The following SERGEF variants were observed in gnomAD, a reference collection of about 807,000 sequenced individuals.
SERGEF encodes the protein secretion-regulating guanine nucleotide exchange factor.
A neutral mutation model predicts 50.0 loss-of-function variants in SERGEF; 51 were observed. That is an observed-to-expected ratio of 1.02 (90% CI 0.81 to 1.29). The LOEUF is 1.29. SERGEF is among the 50% of genes most tolerant of loss of function. The pLI is 0.00. For synonymous variants in SERGEF, 205 were observed against 212.4 expected (o/e 0.97, Z 0.30); for missense variants, 521 against 557.0 (o/e 0.94, Z 0.65).
At position 17,943,090 on chromosome 11, in the gene SERGEF, C is replaced by T. The variant is rs569856482; in HGVS notation, c.1011+16380G>A. Among the ~76,000 whole-genome samples, 11 of 110,784 alleles carry T rather than the reference C, an allele frequency of 9.9e-5. No individual in the cohort carries two copies. The East Asian group carries it at 2.8e-3, about 29-fold the overall frequency. The allele number at this position is 110,784 out of a possible 152,430, so 72.7% of individuals were successfully genotyped here. A position where few individuals can be genotyped will look rare whatever the true frequency, so the allele number is the denominator to read the frequency against. On this transcript the variant is annotated intron_variant, in intron 9 of 10. Coordinates refer to ENST00000265965, the MANE Select transcript of SERGEF (RefSeq NM_012139.4). ...TAATGTCTTTGGTATCAGAATTATGCTGACTTCATAAATTTGGAAGTGTCC... is the reference window on the plus strand; with the variant it reads ...TAATGTCTTTGGTATCAGAATTATGTTGACTTCATAAATTTGGAAGTGTCC...
chr11:17,815,202 C>T (rs1565174756), intron 10 of SERGEF, among the ~76,000 whole-genome samples: 1 of 151,014 alleles, frequency 6.6e-6, no homozygotes, highest in Admixed American at 6.6e-5. Flanking sequence ...AAACAAAAAA[C>T]AAAAATTACA....
intron 8 of SERGEF, among the ~76,000 whole-genome samples, chr11:17,976,646 G>A (rs1253842037): frequency 6.6e-6 from 1 of 152,026 alleles, no homozygotes; most frequent in Non-Finnish European, 1.5e-5. Context: ...AAGGTCCCCT[G>A]AGAAAGGGCA....
chr11:17,953,460 A>G (rs1852807564), intron 9 of SERGEF, among the ~76,000 whole-genome samples: 1 of 152,228 alleles, frequency 6.6e-6, no homozygotes, highest in South Asian at 2.1e-4. Context: ...TGTTCTGAGC[A>G]CCATATAGGC....
At chr11:17,826,034 G>A (rs1850185940) in intron 10 of SERGEF, among the ~76,000 whole-genome samples, 1 of 152,172 alleles carries the variant, frequency 6.6e-6, no homozygotes, top group Non-Finnish European at 1.5e-5. Context: ...TGAAAATGGT[G>A]TCTACCTATC....
chr11:17,919,072 A>C lies in SERGEF; in HGVS notation c.1011+40398T>G, dbSNP rs147376143. Reference sequence around the variant, plus strand: ...TTACATAACAAATCATTGAACCCCAAATCCTTTTTGCAACAAACTAGGGTA... The same window carrying C: ...TTACATAACAAATCATTGAACCCCACATCCTTTTTGCAACAAACTAGGGTA... On this transcript the variant is annotated intron_variant, in intron 9 of 10. Coordinates refer to ENST00000265965, the MANE Select transcript of SERGEF (RefSeq NM_012139.4). Among the ~76,000 whole-genome samples the C allele has an allele frequency of 4.0e-3, 616 of 152,306 alleles. 4 individuals carry two copies. Among genetic ancestry groups the C allele is most frequent in the Middle Eastern group, 6.8e-3 (2 of 294 alleles).
intron 9 of SERGEF, among the ~76,000 whole-genome samples, chr11:17,931,712 AT>A (rs1443614735): frequency 6.6e-6 from 1 of 152,212 alleles, no homozygotes; most frequent in Non-Finnish European, 1.5e-5. Context: ...TATCTGCATT[AT>A]AAAAGACCAC....
At chr11:17,837,301 G>A (rs1850417462) in intron 10 of SERGEF, among the ~76,000 whole-genome samples, 1 of 152,066 alleles carries the variant, frequency 6.6e-6, no homozygotes, top group African/African-American at 2.4e-5. Context: ...TTTATTGAAA[G>A]CCAAATGAAT....
At chr11:17,808,489 C>A (rs537353875) in intron 10 of SERGEF, among the ~76,000 whole-genome samples, 1 of 152,260 alleles carries the variant, frequency 6.6e-6, no homozygotes, top group African/African-American at 2.4e-5. Context: ...CACTTATAAC[C>A]AAGGAGATGA....
intron 1 of SERGEF, chr11:18,010,031 T>G: frequency 1.1e-6 from 1 of 887,532 alleles, no homozygotes; most frequent in Non-Finnish European, 1.5e-6. Context: ...AGAGAGAATC[T>G]TACTAAGATT....
chr11:18,003,928 G>A (rs777998086), intron 4 of SERGEF, among the ~76,000 whole-genome samples: 12 of 152,016 alleles, frequency 7.9e-5, no homozygotes, highest in Admixed American at 2.0e-4. Context: ...CATTTTAAAG[G>A]GGTTAATTTT....
chr11:17,955,184 C>A (rs1852841004), intron 9 of SERGEF, among the ~76,000 whole-genome samples: 1 of 152,212 alleles, frequency 6.6e-6, no homozygotes, highest in Non-Finnish European at 1.5e-5. Context: ...GAACCCAATT[C>A]AAATAACATT....
intron 10 of SERGEF, among the ~76,000 whole-genome samples, chr11:17,797,973 T>G (rs1849599908): frequency 6.6e-6 from 1 of 152,030 alleles, no homozygotes; most frequent in African/African-American, 2.4e-5. Flanking sequence ...CAAAAGTCCT[T>G]CCAATCCTGG....
chr11:17,837,085 A>C (rs1022719706), intron 10 of SERGEF, among the ~76,000 whole-genome samples: 2 of 152,220 alleles, frequency 1.3e-5, no homozygotes, highest in African/African-American at 4.8e-5. Context: ...ATGGAGGTAC[A>C]TCCTGGCAGT....
chr11:17,953,886 AT>A (rs1399290077), intron 9 of SERGEF, among the ~76,000 whole-genome samples: 2 of 152,170 alleles, frequency 1.3e-5, no homozygotes, highest in African/African-American at 4.8e-5. Context: ...ATGGGGACAA[AT>A]CCGGTCCACC....
intron 5 of SERGEF, among the ~76,000 whole-genome samples, chr11:17,998,528 A>ATGTG (rs71047568): frequency 0.014 from 1,765 of 126,116 alleles, 50 homozygotes; most frequent in East Asian, 0.051. Context: ...ATATGTTTAT[A>ATGTG]TGTGTGTGTG....
intron 10 of SERGEF, chr11:17,855,259 G>C (rs542603981): frequency 6.6e-6 from 1 of 152,098 alleles, no homozygotes; most frequent in African/African-American, 2.4e-5. Context: ...TGTGCTATTG[G>C]AGCCCTTGGA....
At chr11:17,937,626 G>A (rs1357642686) in intron 9 of SERGEF, among the ~76,000 whole-genome samples, 3 of 152,052 alleles carry the variant, frequency 2.0e-5, no homozygotes, top group Non-Finnish European at 4.4e-5. Context: ...TGATTTTGGT[G>A]TTCCACAATT....
intron 9 of SERGEF, among the ~76,000 whole-genome samples, chr11:17,895,147 G>A (rs1020572554): frequency 2.0e-5 from 3 of 152,128 alleles, no homozygotes; most frequent in Non-Finnish European, 4.4e-5. Flanking sequence ...GCACAAACAC[G>A]TGAACATGGC....
chr11:17,794,052 G>A (rs1849532644), intron 10 of SERGEF, among the ~76,000 whole-genome samples: 1 of 152,246 alleles, frequency 6.6e-6, no homozygotes. Flanking sequence ...TAGGGAGGGG[G>A]CAGCATTTCT....
Sources: allele counts gnomAD v4.1 joint callset (sites outside exome capture counted in the v4.1 genomes callset), GRCh38; gene constraint gnomAD v4.1.1; transcripts MANE v1.5; gene names NCBI Gene and HGNC (gene_info 2026-07-23, HGNC 2026-07-21).